RP1: variants seen among roughly 807,000 people sequenced by gnomAD.
RP1 encodes the protein RP1 axonemal microtubule associated, also known as oxygen-regulated protein 1.
Under a neutral mutation model 14.8 loss-of-function variants are expected in RP1, and 16 were observed. The observed-to-expected ratio is 1.08, with a 90% CI of 0.73 to 1.65. RP1 has a LOEUF of 1.65. RP1 is among the 40% of genes most tolerant of loss of function. The pLI is 0.00. For missense variants in RP1, 2,631 were observed against 2,535.0 expected, an observed-to-expected ratio of 1.04 and a Z score of -0.81; for synonymous variants, 876 against 883.6, an observed-to-expected ratio of 0.99 and a Z score of 0.15.
intron 12 of RP1, among the ~76,000 whole-genome samples, chr8:54,688,159 G>C (rs1195766766): frequency 2.0e-5 from 3 of 152,034 alleles, no homozygotes; most frequent in African/African-American, 7.2e-5. Context: ...TGATAGGGTT[G>C]TTTGTTTTTT....
chr8:54,854,459 C>A (rs372212141), intron 26 of RP1, among the ~76,000 whole-genome samples: 2 of 152,188 alleles, frequency 1.3e-5, no homozygotes, highest in East Asian at 1.9e-4. Flanking sequence ...ATCCCCAAAT[C>A]AGTTTTATGT....
chr8:54,691,199 CA>C (rs2129339379), intron 12 of RP1, among the ~76,000 whole-genome samples: 2 of 151,974 alleles, frequency 1.3e-5, no homozygotes, highest in African/African-American at 4.8e-5. Context: ...ATATGGCAAG[CA>C]AAAGGTGATG....
chr8:54,696,064 A>G (rs1001322870), intron 12 of RP1, among the ~76,000 whole-genome samples: 5 of 152,158 alleles, frequency 3.3e-5, no homozygotes, highest in Admixed American at 2.0e-4. Context: ...TTGAAATTCT[A>G]TAGTTAACCT....
chr8:54,818,598 A>G (rs1811187285), intron 24 of RP1, among the ~76,000 whole-genome samples: 2 of 152,208 alleles, frequency 1.3e-5, no homozygotes, highest in Admixed American at 1.3e-4. Flanking sequence ...GCTCAGCTTT[A>G]CTTAATGAGG....
chr8:54,579,172 A>T (rs1804724867), intron 1 of RP1, among the ~76,000 whole-genome samples: 1 of 152,212 alleles, frequency 6.6e-6, no homozygotes, highest in South Asian at 2.1e-4. Context: ...TAGGAAACAG[A>T]CATCAGGGGC....
intron 1 of RP1, among the ~76,000 whole-genome samples, chr8:54,581,728 C>G (rs976358363): frequency 1.7e-3 from 261 of 152,128 alleles, no homozygotes; most frequent in African/African-American, 5.6e-3. Context: ...TCTCATTGTG[C>G]TTTTGATTTG....
chr8:54,621,815 A>C (rs1365899075), intron 2 of RP1, among the ~76,000 whole-genome samples: 1 of 152,156 alleles, frequency 6.6e-6, no homozygotes, highest in African/African-American at 2.4e-5. Flanking sequence ...CCTGAGTTAC[A>C]TAATGTTTTC....
At chr8:54,824,982 A>G (rs1221063298) in intron 24 of RP1, among the ~76,000 whole-genome samples, 2 of 150,582 alleles carry the variant, frequency 1.3e-5, no homozygotes, top group East Asian at 3.9e-4. Context: ...TAATTTATTT[A>G]TGAGATGGAG....
chr8:54,814,732 CCTT>C (rs1281972753), intron 24 of RP1, among the ~76,000 whole-genome samples: 2 of 152,316 alleles, frequency 1.3e-5, no homozygotes, highest in African/African-American at 4.8e-5. Flanking sequence ...GCTATTTTGT[CCTT>C]CTTTGGAGAG....
intron 7 of RP1, chr8:54,673,782 T>G (rs1477911395): frequency 7.7e-7 from 1 of 1,294,360 alleles, no homozygotes; most frequent in East Asian, 2.6e-5. Flanking sequence ...CACTGCATCT[T>G]AATTTATACT....
At chr8:54,639,286 T>C (rs1806413159) in intron 3 of RP1, among the ~76,000 whole-genome samples, 1 of 152,240 alleles carries the variant, frequency 6.6e-6, no homozygotes, top group South Asian at 2.1e-4. Flanking sequence ...TGGTATTTCA[T>C]TGTATGTACA....
chr8:54,784,378 T>C (rs1229531229), intron 24 of RP1, among the ~76,000 whole-genome samples: 1 of 152,190 alleles, frequency 6.6e-6, no homozygotes, highest in Non-Finnish European at 1.5e-5. Context: ...TTACATACAA[T>C]ATGGCCATTA....
At position 54,755,617 on chromosome 8, in the gene RP1, A is replaced by C; in HGVS notation, c.2942-2A>C. On this transcript the variant is annotated splice_acceptor_variant, in intron 20 of 22. Transcript: ENST00000636932. LOFTEE classifies it high-confidence loss of function. ...TATTTTCTCTCCCTGTTGCTTTGCC[A>C]GTAGTGAGATACCAGGTTGACGTCT... 3 of 1,535,864 alleles carry C rather than the reference A, an allele frequency of 2.0e-6. No individual in the cohort carries two copies. The highest frequency in any genetic ancestry group is 2.6e-6 in the Non-Finnish European group (3 of 1,146,764).
intron 28 of RP1, among the ~76,000 whole-genome samples, chr8:54,869,429 A>G (rs994402919): frequency 1.3e-5 from 2 of 152,170 alleles, no homozygotes. Context: ...CTTTCCATAT[A>G]TGGTTTGTAT....
intron 3 of RP1, among the ~76,000 whole-genome samples, chr8:54,640,378 A>G (rs1806431373): frequency 6.6e-6 from 1 of 152,182 alleles, no homozygotes; most frequent in African/African-American, 2.4e-5. Flanking sequence ...CTTTATAGTA[A>G]GCCTTGAAAC....
At chr8:54,857,045 T>G in exon 27 of RP1, 2 of 1,196,228 alleles carry the variant, frequency 1.7e-6, no homozygotes, top group Non-Finnish European at 2.1e-6. Flanking sequence ...TTTTTTCCAT[T>G]AAGGCTGTAT....
At chr8:54,778,566 G>T (rs539959243) in intron 23 of RP1, among the ~76,000 whole-genome samples, 2 of 151,854 alleles carry the variant, frequency 1.3e-5, no homozygotes, top group Non-Finnish European at 2.9e-5. Flanking sequence ...CTTGTGATCC[G>T]CCCACCTCGG....
At chr8:54,655,064 CT>C (rs536110014) in intron 5 of RP1, among the ~76,000 whole-genome samples, 320 of 152,276 alleles carry the variant, frequency 2.1e-3, no homozygotes, top group Non-Finnish European at 4.0e-3. Flanking sequence ...CTCACTGAAG[CT>C]TTATTTCTAA....
rs1806022407 is a variant in RP1 at position 54,625,647 on chromosome 8, A to G, written c.1765A>G (p.Lys589Glu). 2.5e-6 allele frequency: 4 copies of G among 1,614,020 alleles called. No homozygotes were observed. The highest frequency in any genetic ancestry group is 1.6e-4 in the Middle Eastern group (1 of 6,082). ...DVVDCVVLDN[K>E]TGIKNFKTYG... ...AGTTGATTGTGTGGTATTGGACAAC[A>G]AAACTGGTATCAAGAACTTCAAAAC... The change falls in exon 4 of 4, where the codon AAA becomes GAA. Residue 589 changes from lysine (K) to glutamate (E), a missense_variant. By Grantham distance (56) the Lys-to-Glu change is moderately conservative (BLOSUM62 1). Transcript: ENST00000220676.
Sources: allele counts gnomAD v4.1 joint callset (sites outside exome capture counted in the v4.1 genomes callset), GRCh38; gene constraint gnomAD v4.1.1; transcripts MANE v1.5; gene names NCBI Gene and HGNC (gene_info 2026-07-23, HGNC 2026-07-21).